Variants in CD200R1 observed in about 807,000 individuals in gnomAD.
CD200R1 encodes the protein cell surface glycoprotein CD200 receptor 1.
In CD200R1, 30 loss-of-function variants were observed where a neutral mutation model predicts 38.1. The ratio of observed to expected loss-of-function variants is 0.79; its 90% confidence interval spans 0.59 to 1.07. The LOEUF is 1.07. CD200R1 is among the 50% of genes least tolerant of loss of function. The probability of loss-of-function intolerance (pLI) is 0.00; values close to 1 mark genes in which losing one functional copy is unlikely to be tolerated. For synonymous variants in CD200R1, 128 were observed against 152.1 expected (o/e 0.84, Z 1.16); for missense variants, 372 against 415.4 (o/e 0.90, Z 0.91).
chr3:112,964,599 C>T (rs1186579352), intron 1 of CD200R1, among the ~76,000 whole-genome samples: 1 of 152,212 alleles, frequency 6.6e-6, no homozygotes, highest in African/African-American at 2.4e-5. Context: ...AATGCCTGTA[C>T]CCCCATTGTA....
At chr3:112,930,116 TAAA>T (rs35297201) in intron 3 of CD200R1, among the ~76,000 whole-genome samples, 9 of 147,930 alleles carry the variant, frequency 6.1e-5, no homozygotes, top group African/African-American at 2.2e-4. Flanking sequence ...CACAGATCTT[TAAA>T]AAAAAAAAAA....
Position 112,921,506 on chromosome 3 carries a change from C to T in CD200R1, c.*2171G>A. Reference sequence around the variant, plus strand: ...ATCTAGCAAAGCAAAGGAAAAGATACAAAATGGGATGGGGAGAAAGCACAG... The same window carrying T: ...ATCTAGCAAAGCAAAGGAAAAGATATAAAATGGGATGGGGAGAAAGCACAG... On this transcript the variant is annotated 3_prime_UTR_variant, in exon 8 of 8. Transcript: ENST00000308611. The T allele has an allele frequency of 6.6e-6, 1 of 151,744 alleles. No individual in the cohort carries two copies. Among genetic ancestry groups the T allele is most frequent in the Non-Finnish European group, 1.5e-5 (1 of 67,882 alleles). 9.4% of individuals were successfully genotyped at this position (151,744 alleles called of 1,614,324 possible).
chr3:112,942,151 C>T (rs1213193913), intron 2 of CD200R1, among the ~76,000 whole-genome samples: 2 of 151,514 alleles, frequency 1.3e-5, no homozygotes, highest in African/African-American at 2.4e-5. Context: ...TCAAGAAGAA[C>T]ACTGGAAAAC....
rs938304853 is a variant in CD200R1 at position 112,972,949 on chromosome 3, A to C, written c.67+1842T>G. On this transcript the variant is annotated intron_variant, in intron 1 of 7. Transcript: ENST00000308611. ...CATGTCATGGTTAACCTATCACACC[A>C]AATCACTACATGTAAAGTAATATGC... 2.6e-5 allele frequency among the ~76,000 whole-genome samples: 4 copies of C among 152,322 alleles called. No homozygotes were observed. The South Asian group carries it at 8.3e-4, about 32-fold the overall frequency.
intron 1 of CD200R1, among the ~76,000 whole-genome samples, chr3:112,952,857 G>T (rs1441765361): frequency 6.6e-6 from 1 of 152,048 alleles, no homozygotes; most frequent in Non-Finnish European, 1.5e-5. Context: ...AGACCATGTT[G>T]TCTGCAAACA....
intron 1 of CD200R1, 119 bp from the exon 2 acceptor site, chr3:112,948,043 T>C: frequency 1.4e-6 from 1 of 703,592 alleles, no homozygotes; most frequent in Non-Finnish European, 2.5e-6. Flanking sequence ...CAGTTGCCAA[T>C]GAATATCTAA....
intron 1 of CD200R1, among the ~76,000 whole-genome samples, chr3:112,950,457 C>A (rs556476525): frequency 6.6e-6 from 1 of 150,832 alleles, no homozygotes; most frequent in South Asian, 2.1e-4. Flanking sequence ...TGAAAAGTAT[C>A]AATATCAACT....
At chr3:112,932,946 G>A (rs1185866373) in intron 2 of CD200R1, among the ~76,000 whole-genome samples, 1 of 152,078 alleles carries the variant, frequency 6.6e-6, no homozygotes, top group East Asian at 1.9e-4. Flanking sequence ...CAGGCCAGCT[G>A]AGTGTCTGCA....
At chr3:112,949,723 T>C (rs1940936004) in intron 1 of CD200R1, among the ~76,000 whole-genome samples, 1 of 152,206 alleles carries the variant, frequency 6.6e-6, no homozygotes, top group Non-Finnish European at 1.5e-5. Flanking sequence ...TTAAGCCATG[T>C]TATTGCAAGA....
chr3:112,923,689 G>A lies in CD200R1; in HGVS notation c.1035C>T (p.Leu345=), dbSNP rs1940218425. The A allele has an allele frequency of 4.6e-6, 7 of 1,532,062 alleles. No individual in the cohort carries two copies. The highest frequency in any genetic ancestry group is 6.3e-6 in the Non-Finnish European group (7 of 1,108,612). 94.9% of individuals were successfully genotyped at this position (1,532,062 alleles called of 1,614,324 possible). A position where few individuals can be genotyped will look rare whatever the true frequency, so the allele number is the denominator to read the frequency against. Reference sequence around the variant, plus strand: ...AGAGTCCAACAACTTATAAAGTATGGAGGTCTGTGTCAACTTCACTTTGTA... The same window carrying A: ...AGAGTCCAACAACTTATAAAGTATGAAGGTCTGTGTCAACTTCACTTTGTA... ...EALQSEVDTD[L]HTL The change falls in exon 8 of 8, where the codon CTC becomes CTT. Residue 345 remains leucine (L), a synonymous_variant. Transcript: ENST00000308611.
intron 5 of CD200R1, among the ~76,000 whole-genome samples, chr3:112,927,075 A>G (rs1230193991): frequency 6.6e-6 from 1 of 152,122 alleles, no homozygotes; most frequent in Non-Finnish European, 1.5e-5. Context: ...TTTATGTAGC[A>G]CACCTTTCCC....
chr3:112,948,942 T>C (rs906759395), intron 1 of CD200R1, among the ~76,000 whole-genome samples: 7 of 152,198 alleles, frequency 4.6e-5, no homozygotes, highest in Admixed American at 4.6e-4. Flanking sequence ...AAGTTGCCTG[T>C]GATGTATAGA....
chr3:112,927,272 C>T (rs1940301829), intron 5 of CD200R1, among the ~76,000 whole-genome samples: 1 of 152,118 alleles, frequency 6.6e-6, no homozygotes, highest in Non-Finnish European at 1.5e-5. Flanking sequence ...ACACATATTG[C>T]TCCCTCCTTT....
chr3:112,962,106 T>C (rs2107340544), intron 1 of CD200R1, among the ~76,000 whole-genome samples: 1 of 152,338 alleles, frequency 6.6e-6, no homozygotes, highest in Admixed American at 6.5e-5. Context: ...ATATAAAGTC[T>C]GTGGCAGTTA....
intron 1 of CD200R1, among the ~76,000 whole-genome samples, chr3:112,965,205 G>A (rs1359833304): frequency 1.3e-5 from 2 of 152,192 alleles, no homozygotes; most frequent in African/African-American, 4.8e-5. Flanking sequence ...CTTAACCTAA[G>A]AATTAAGAAG....
rs369684479 is a variant in CD200R1, at chr3:112,947,937, A to G, written c.68-13T>C. ...GCACCCTCCGCTTCTGAATTTTGAA[A>G]AAGACATAGGGGGTAGAGAGAGAAA... On this transcript the variant is annotated splice_polypyrimidine_tract_variant and intron_variant, in intron 1 of 7. Coordinates refer to ENST00000308611, the MANE Select transcript of CD200R1 (RefSeq NM_138806.4). 2 of 1,575,476 alleles carry G rather than the reference A, an allele frequency of 1.3e-6. No homozygotes were observed. Among genetic ancestry groups the G allele is most frequent in the East Asian group, 2.2e-5 (1 of 44,664 alleles).
chr3:112,931,069 T>C (rs1281781421), intron 3 of CD200R1, 37 bp downstream of exon 3: 2 of 1,447,384 alleles, frequency 1.4e-6, no homozygotes, highest in Non-Finnish European at 1.9e-6. Flanking sequence ...CAACTTTCCA[T>C]CCCTAGGTGC....
chr3:112,925,176 A>AT lies in CD200R1; in HGVS notation c.786dup (p.Ser263IlefsTer34), dbSNP rs778432694. The AT allele has an allele frequency of 1.5e-5, 23 of 1,584,680 alleles. No homozygotes were observed. Among genetic ancestry groups the AT allele is most frequent in the Non-Finnish European group, 1.8e-5 (21 of 1,155,354 alleles). On this transcript the variant is annotated frameshift_variant, in exon 6 of 8. Transcript: ENST00000308611. LOFTEE classifies it high-confidence loss of function. Reference sequence around the variant, plus strand: ...ATATATGGAATATATAATTTTGCTGATTTTTTGGCACCTGGAACTATAGAC... The same window carrying AT: ...ATATATGGAATATATAATTTTGCTGATTTTTTTGGCACCTGGAACTATAGAC...
rs758670426 is a variant in CD200R1, at chr3:112,929,471, G to T, written c.239C>A (p.Ala80Asp). 5 of 1,613,608 alleles carry T rather than the reference G, an allele frequency of 3.1e-6. No homozygotes were observed. In the South Asian group the frequency reaches 4.4e-5, roughly 14 times the overall value. Reference protein sequence around the residue: ...TSWPVKMATNAVLCCPPIALR... With the variant: ...TSWPVKMATNDVLCCPPIALR... Reference sequence around the variant, plus strand: ...TGCGATAGGAGGGCAACAAAGCACAGCATTTGTAGCCATCTTTACAGGCCA... The same window carrying T: ...TGCGATAGGAGGGCAACAAAGCACATCATTTGTAGCCATCTTTACAGGCCA... The change falls in exon 4 of 8, where the codon GCT becomes GAT. Residue 80 changes from alanine (A) to aspartate (D), a missense_variant. Coordinates refer to ENST00000308611, the MANE Select transcript of CD200R1 (RefSeq NM_138806.4).
Sources: allele counts gnomAD v4.1 joint callset (sites outside exome capture counted in the v4.1 genomes callset), GRCh38; gene constraint gnomAD v4.1.1; transcripts MANE v1.5; gene names NCBI Gene and HGNC (gene_info 2026-07-23, HGNC 2026-07-21).